FGF14: variants seen among roughly 807,000 people sequenced by gnomAD.
The protein encoded by FGF14 is fibroblast growth factor homologous factor 4.
In FGF14, 5 loss-of-function variants were observed where a neutral mutation model predicts 25.5. The observed-to-expected ratio is 0.20, with a 90% CI of 0.10 to 0.41. The LOEUF is 0.41. Ranked by LOEUF, FGF14 falls within the 10% of genes least tolerant of loss-of-function variation. FGF14 has a pLI of 1.00. For missense variants in FGF14, 222 were observed against 320.1 expected, an observed-to-expected ratio of 0.69 and a Z score of 2.34; for synonymous variants, 138 against 118.3, an observed-to-expected ratio of 1.17 and a Z score of -1.08.
intron 1 of FGF14, among the ~76,000 whole-genome samples, chr13:102,082,897 G>T (rs1391254496): frequency 6.6e-6 from 1 of 151,996 alleles, no homozygotes; most frequent in African/African-American, 2.4e-5. Flanking sequence ...GGCGGAGCTT[G>T]CAGTGAGCCG....
chr13:102,273,000 T>A (rs1359149949), intron 1 of FGF14, among the ~76,000 whole-genome samples: 1 of 152,226 alleles, frequency 6.6e-6, no homozygotes, highest in African/African-American at 2.4e-5. Context: ...GGTTAGGCTG[T>A]CATTGTTGAT....
intron 1 of FGF14, among the ~76,000 whole-genome samples, chr13:102,090,184 G>A (rs1057023412): frequency 2.6e-5 from 4 of 152,122 alleles, no homozygotes; most frequent in Admixed American, 6.5e-5. Flanking sequence ...TATATACAAC[G>A]TATATTTACT....
chr13:101,850,483 T>G lies in FGF14; in HGVS notation c.408+18242A>C, dbSNP rs1430966703. On this transcript the variant is annotated intron_variant, in intron 3 of 4. Transcript: ENST00000376143. The stretch of plus-strand genomic sequence containing the variant: ...GGCAATATATATATATATATATATA[T>G]ATATATATATATATATATATATATA... 4.5e-3 allele frequency among the ~76,000 whole-genome samples: 21 copies of G among 4,622 alleles called. 3 individuals are homozygous for G. Among genetic ancestry groups the G allele is most frequent in the African/African-American group, 5.8e-3 (21 of 3,598 alleles). 3.0% of individuals were successfully genotyped at this position (4,622 alleles called of 152,430 possible). A position where few individuals can be genotyped will look rare whatever the true frequency, so the allele number is the denominator to read the frequency against.
intron 1 of FGF14, chr13:102,373,392 C>G (rs918832224): frequency 1.3e-5 from 2 of 152,122 alleles, no homozygotes; most frequent in Admixed American, 6.6e-5. Flanking sequence ...CATGTAAAAA[C>G]AAGTCTGCTC....
intron 3 of FGF14, among the ~76,000 whole-genome samples, chr13:101,800,624 A>G (rs1399099662): frequency 6.6e-6 from 1 of 152,206 alleles, no homozygotes; most frequent in African/African-American, 2.4e-5. Context: ...AATTAAATGT[A>G]TCAACAATTC....
At chr13:101,999,128 A>T (rs573244939) in intron 1 of FGF14, among the ~76,000 whole-genome samples, 6 of 152,346 alleles carry the variant, frequency 3.9e-5, no homozygotes, top group Admixed American at 6.5e-5. Flanking sequence ...AGAAAACCTC[A>T]ACCTTATTAT....
intron 1 of FGF14, among the ~76,000 whole-genome samples, chr13:102,401,248 TG>T (rs1186383410): frequency 6.6e-6 from 1 of 151,322 alleles, no homozygotes; most frequent in Non-Finnish European, 1.5e-5. Context: ...CTCCTAGTGA[TG>T]GATTGTGTCA....
intron 1 of FGF14, among the ~76,000 whole-genome samples, chr13:102,052,544 C>T (rs1289941624): frequency 6.6e-6 from 1 of 151,122 alleles, no homozygotes; most frequent in African/African-American, 2.4e-5. Flanking sequence ...GAAAAAAAAG[C>T]AAATCATATA....
intron 1 of FGF14, among the ~76,000 whole-genome samples, chr13:102,165,553 A>G (rs187406008): frequency 5.6e-4 from 85 of 151,162 alleles, no homozygotes; most frequent in African/African-American, 1.8e-3. Flanking sequence ...TTCTCAGCAA[A>G]CTATCGCAAG....
chr13:101,980,694 A>C (rs1182138295), intron 1 of FGF14, among the ~76,000 whole-genome samples: 1 of 152,204 alleles, frequency 6.6e-6, no homozygotes, highest in Non-Finnish European at 1.5e-5. Flanking sequence ...ACCAAGTGCC[A>C]ACAAGCCATC....
At chr13:102,139,008 T>C (rs1435688640) in intron 1 of FGF14, among the ~76,000 whole-genome samples, 1 of 152,230 alleles carries the variant, frequency 6.6e-6, no homozygotes, top group East Asian at 1.9e-4. Context: ...GTGGTTTGTA[T>C]TGCCTAATAT....
intron 1 of FGF14, among the ~76,000 whole-genome samples, chr13:102,118,196 A>G (rs1277464664): frequency 6.6e-6 from 1 of 152,028 alleles, no homozygotes; most frequent in African/African-American, 2.4e-5. Context: ...TATTCATTGT[A>G]TAGGATAAAT....
chr13:101,959,464 A>G (rs920377871), intron 1 of FGF14, among the ~76,000 whole-genome samples: 1 of 152,176 alleles, frequency 6.6e-6, no homozygotes, highest in Non-Finnish European at 1.5e-5. Context: ...GTCATCTTGA[A>G]TGCCCTCCCT....
At chr13:101,852,674 T>C (rs2043916596) in intron 3 of FGF14, among the ~76,000 whole-genome samples, 1 of 152,100 alleles carries the variant, frequency 6.6e-6, no homozygotes. Flanking sequence ...ACAGACCTAA[T>C]GACACATAAG....
intron 3 of FGF14, among the ~76,000 whole-genome samples, chr13:101,825,140 C>T (rs541888377): frequency 6.6e-6 from 1 of 152,270 alleles, no homozygotes; most frequent in East Asian, 1.9e-4. Flanking sequence ...TACAGCTGGT[C>T]GGTCAGCAGT....
At chr13:102,166,181 TA>T (rs1320013565) in intron 1 of FGF14, among the ~76,000 whole-genome samples, 145 of 142,808 alleles carry the variant, frequency 1.0e-3, no homozygotes, top group Middle Eastern at 3.5e-3. Flanking sequence ...ATACAACATT[TA>T]AAAAAAAAAA....
chr13:101,944,434 A>G (rs2035678252), intron 1 of FGF14, among the ~76,000 whole-genome samples: 1 of 152,132 alleles, frequency 6.6e-6, no homozygotes, highest in Non-Finnish European at 1.5e-5. Flanking sequence ...ACCAAATCCA[A>G]TTGTGTTCTA....
intron 1 of FGF14, among the ~76,000 whole-genome samples, chr13:102,353,088 C>A (rs2057333729): frequency 2.0e-5 from 3 of 152,018 alleles, no homozygotes. Context: ...TGTCAAGTCA[C>A]AAGGAATTGA....
chr13:101,945,261 T>G (rs943762160), intron 1 of FGF14, among the ~76,000 whole-genome samples: 1 of 152,138 alleles, frequency 6.6e-6, no homozygotes. Context: ...GAGGTTGCAG[T>G]GAGCCAAGAT....
Sources: allele counts gnomAD v4.1 joint callset (sites outside exome capture counted in the v4.1 genomes callset), GRCh38; gene constraint gnomAD v4.1.1; transcripts MANE v1.5; gene names NCBI Gene and HGNC (gene_info 2026-07-23, HGNC 2026-07-21).